Variants in PHF8 observed in about 807,000 individuals in gnomAD.
The protein encoded by PHF8 is histone lysine demethylase PHF8.
A neutral mutation model predicts 74.4 loss-of-function variants in PHF8; 9 were observed. That is an observed-to-expected ratio of 0.12 (90% CI 0.07 to 0.21). PHF8 has a LOEUF of 0.21. Among genes scored for constraint, PHF8 ranks in the 10% least tolerant of loss-of-function variants. The pLI, the probability that PHF8 is intolerant of heterozygous loss-of-function variation, is 1.00. For synonymous variants in PHF8, 311 were observed against 316.6 expected (o/e 0.98, Z 0.19); for missense variants, 478 against 816.6 (o/e 0.59, Z 5.05).
Position 54,043,936 on chromosome X carries a change from C to A in PHF8, c.-267G>T, listed in dbSNP as rs1423401734. On this transcript the variant is annotated 5_prime_UTR_variant, in exon 1 of 22. Coordinates refer to ENST00000338154, the MANE Select transcript of PHF8 (RefSeq NM_015107.3). ...GGCAGCCGGGCTAGCTCCGGGACTG[C>A]GAAGCGCCTCAGCGGAGGCTCGTCC... 6.6e-6 allele frequency: 5 copies of A among 754,004 alleles called. No individual in the cohort carries two copies. The highest frequency in any genetic ancestry group is 7.8e-6 in the Non-Finnish European group (5 of 639,284). The allele number at this position is 754,004 out of a possible 1,213,427, so 62.1% of individuals were successfully genotyped here.
chrX:54,021,812 A>G (rs1416187548), intron 4 of PHF8, among the ~76,000 whole-genome samples: 2 of 111,443 alleles, frequency 1.8e-5, no homozygotes, highest in Admixed American at 1.9e-4. Flanking sequence ...CTACTGAATT[A>G]AAAAACCAAG....
chrX:53,987,066 G>A lies in PHF8; in HGVS notation c.1995+12C>T, dbSNP rs372339625. ...GAATGAGCAGAAGACTAGATCCAGG[G>A]CAGAATCCTACCTCAATGTCAAACT... On this transcript the variant is annotated intron_variant, in intron 16 of 21. Coordinates refer to ENST00000338154, the MANE Select transcript of PHF8 (RefSeq NM_015107.3). The A allele has an allele frequency of 4.7e-5, 52 of 1,099,884 alleles. No individual in the cohort carries two copies. The African/African-American group carries it at 8.9e-4, about 19-fold the overall frequency. The allele number at this position is 1,099,884 out of a possible 1,213,427, so 90.6% of individuals were successfully genotyped here.
chrX:54,009,562 G>A (rs951825405), intron 8 of PHF8, among the ~76,000 whole-genome samples: 1 of 109,501 alleles, frequency 9.1e-6, no homozygotes, highest in Admixed American at 9.8e-5. Flanking sequence ...AACCAAAAGT[G>A]GGCCGGGTGC....
At chrX:53,980,764 A>G (rs1206918013) in intron 18 of PHF8, among the ~76,000 whole-genome samples, 1 of 112,796 alleles carries the variant, frequency 8.9e-6, no homozygotes. Flanking sequence ...AAAGATGCCA[A>G]TTTTACGAAC....
chrX:54,008,918 T>C (rs1557106034), intron 8 of PHF8, among the ~76,000 whole-genome samples: 1 of 111,924 alleles, frequency 8.9e-6, no homozygotes, highest in Non-Finnish European at 1.9e-5. Context: ...GGCTCACGCC[T>C]GTAATCCCAG....
upstream of PHF8, chrX:54,045,075 C>G (rs1413357140): frequency 2.3e-6 from 1 of 438,060 alleles, no homozygotes; most frequent in Non-Finnish European, 3.9e-6. Flanking sequence ...GTCCCCAGGC[C>G]CTCAGTGTAG....
chrX:53,944,831 G>A (rs1041731449), intron 19 of PHF8, among the ~76,000 whole-genome samples: 16 of 110,962 alleles, frequency 1.4e-4, no homozygotes, highest in African/African-American at 4.6e-4. Context: ...GACCAGCCTC[G>A]CCAACATGGC....
chrX:53,952,701 G>A (rs782811984), intron 19 of PHF8, among the ~76,000 whole-genome samples: 2 of 108,552 alleles, frequency 1.8e-5, no homozygotes, highest in East Asian at 5.9e-4. Flanking sequence ...GGCTAACACG[G>A]TGAAACCTCG....
At chrX:54,002,007 C>A (rs909911188) in intron 10 of PHF8, 148 bp downstream of exon 10, 1 of 478,221 alleles carries the variant, frequency 2.1e-6, no homozygotes, top group African/African-American at 2.4e-5. Context: ...AACATATTTA[C>A]GGTACACAAC....
intron 13 of PHF8, 147 bp from the exon 14 acceptor site, chrX:53,992,986 C>G: frequency 2.0e-6 from 1 of 496,640 alleles, no homozygotes; most frequent in Non-Finnish European, 3.6e-6. Flanking sequence ...CATACCCCCA[C>G]TGATCACAGG....
At chrX:54,009,874 A>AAAAAAAAAAAAAAAAAAAAAAAAAC (rs2065956125) in intron 8 of PHF8, among the ~76,000 whole-genome samples, 1 of 96,900 alleles carries the variant, frequency 1.0e-5, no homozygotes, top group African/African-American at 4.2e-5. Flanking sequence ...AAAAAAAAAA[A>AAAAAAAAAAAAAAAAAAAAAAAAAC]AAAAAAAGTG....
chrX:53,973,623 T>C (rs1326960123), intron 18 of PHF8, among the ~76,000 whole-genome samples: 7 of 111,530 alleles, frequency 6.3e-5, no homozygotes, highest in Admixed American at 1.9e-4. Context: ...CCCTTCCTTA[T>C]ACCATATACA....
At chrX:53,999,018 C>T (rs1264437976) in intron 11 of PHF8, among the ~76,000 whole-genome samples, 1 of 112,142 alleles carries the variant, frequency 8.9e-6, no homozygotes, top group Non-Finnish European at 1.9e-5. Flanking sequence ...TGGTACATTC[C>T]TGCAAAAGAA....
intron 8 of PHF8, among the ~76,000 whole-genome samples, chrX:54,010,296 G>A (rs1486070326): frequency 1.8e-5 from 2 of 111,477 alleles, no homozygotes; most frequent in African/African-American, 6.5e-5. Flanking sequence ...CTGCACTCCA[G>A]CCTGGGTGAC....
intron 10 of PHF8, 85 bp downstream of exon 10, chrX:54,002,070 C>G: frequency 1.8e-6 from 1 of 553,993 alleles, no homozygotes; most frequent in South Asian, 2.4e-5. Flanking sequence ...AGTATCATGT[C>G]TTGACTGCGT....
intron 2 of PHF8, among the ~76,000 whole-genome samples, chrX:54,033,138 C>G (rs1557113041): frequency 9.0e-6 from 1 of 111,042 alleles, no homozygotes; most frequent in African/African-American, 3.3e-5. Flanking sequence ...AGTGGTACCC[C>G]CTTTCTGCCA....
chrX:54,008,023 T>C (rs1162592603), intron 8 of PHF8, among the ~76,000 whole-genome samples: 1 of 112,311 alleles, frequency 8.9e-6, no homozygotes, highest in Non-Finnish European at 1.9e-5. Context: ...AACTGACTAA[T>C]GGATAAACAA....
At chrX:53,949,840 T>G (rs868956000) in intron 19 of PHF8, among the ~76,000 whole-genome samples, 7 of 76,388 alleles carry the variant, frequency 9.2e-5, no homozygotes, top group East Asian at 8.0e-4. Flanking sequence ...AAAAAAGAAA[T>G]AAATGTTACT....
chrX:53,967,074 G>A (rs1398263136), intron 18 of PHF8, among the ~76,000 whole-genome samples: 5 of 109,854 alleles, frequency 4.6e-5, no homozygotes, highest in Non-Finnish European at 7.7e-5. Flanking sequence ...CCCTCCGCCC[G>A]GCAGCCACCC....
Sources: allele counts gnomAD v4.1 joint callset (sites outside exome capture counted in the v4.1 genomes callset), GRCh38; gene constraint gnomAD v4.1.1; transcripts MANE v1.5; gene names NCBI Gene and HGNC (gene_info 2026-07-23, HGNC 2026-07-21).